PLXDC2: variants seen among roughly 807,000 people sequenced by gnomAD.
PLXDC2 encodes plexin domain-containing protein 2.
Under a neutral mutation model 68.9 loss-of-function variants are expected in PLXDC2, and 40 were observed. The observed-to-expected ratio is 0.58, with a 90% CI of 0.45 to 0.76. The LOEUF is 0.76. Ranked by LOEUF, PLXDC2 falls within the 30% of genes least tolerant of loss-of-function variation. The pLI is 0.00. For missense variants in PLXDC2, 644 were observed against 661.9 expected (o/e 0.97, Z 0.30); for synonymous variants, 243 against 234.2 (o/e 1.04, Z -0.34).
intron 1 of PLXDC2, among the ~76,000 whole-genome samples, chr10:19,941,980 A>G (rs1833828084): frequency 6.6e-6 from 1 of 152,078 alleles, no homozygotes; most frequent in East Asian, 1.9e-4. Flanking sequence ...TAGAGAAAAA[A>G]AAAAAAAAAA....
intron 13 of PLXDC2, among the ~76,000 whole-genome samples, chr10:20,270,505 C>T (rs535104684): frequency 9.5e-4 from 144 of 152,130 alleles, no homozygotes; most frequent in Middle Eastern, 3.4e-3. Context: ...TCAAAGATAA[C>T]TTCAAAGTCC....
At chr10:19,861,279 C>T (rs997459260) in intron 1 of PLXDC2, among the ~76,000 whole-genome samples, 8 of 152,046 alleles carry the variant, frequency 5.3e-5, no homozygotes, top group African/African-American at 1.9e-4. Context: ...AGGTGACCCG[C>T]CCACCTCTGC....
intron 1 of PLXDC2, among the ~76,000 whole-genome samples, chr10:19,997,227 G>A (rs772151947): frequency 2.0e-5 from 3 of 152,108 alleles, no homozygotes; most frequent in Admixed American, 1.3e-4. Flanking sequence ...CTAGTTTATC[G>A]ACATACCTAA....
intron 4 of PLXDC2, among the ~76,000 whole-genome samples, chr10:20,138,716 C>T (rs574593692): frequency 6.6e-6 from 1 of 152,048 alleles, no homozygotes; most frequent in African/African-American, 2.4e-5. Context: ...AGTTCAAGAC[C>T]AGCCTAGCCA....
rs1480902904 is a variant in PLXDC2 at position 20,286,518 on chromosome 10, T to C, written c.*6699T>C. On this transcript the variant is annotated 3_prime_UTR_variant, in exon 14 of 14. Transcript: ENST00000377252. ...TCAGCATTGCAAATATATATGTATA[T>C]ATACATTCATGACCAAAGTATCGCT... 1 of 152,150 alleles carries C rather than the reference T, an allele frequency of 6.6e-6. No homozygotes were observed. The highest frequency in any genetic ancestry group is 2.4e-5 in the African/African-American group (1 of 41,428). The allele number at this position is 152,150 out of a possible 1,614,324, so 9.4% of individuals were successfully genotyped here. A position where few individuals can be genotyped will look rare whatever the true frequency, so the allele number is the denominator to read the frequency against.
chr10:19,986,196 A>T (rs1037560045), intron 1 of PLXDC2, among the ~76,000 whole-genome samples: 2 of 152,202 alleles, frequency 1.3e-5, no homozygotes, highest in Admixed American at 6.5e-5. Context: ...AATGTTTTAA[A>T]TGTCAGTGAT....
intron 1 of PLXDC2, among the ~76,000 whole-genome samples, chr10:19,990,244 T>A (rs1419040792): frequency 6.6e-6 from 1 of 152,188 alleles, no homozygotes. Flanking sequence ...TGACTATATA[T>A]CAAACATAAT....
chr10:19,963,497 C>G (rs562040999), intron 1 of PLXDC2, among the ~76,000 whole-genome samples: 1 of 152,126 alleles, frequency 6.6e-6, no homozygotes, highest in Non-Finnish European at 1.5e-5. Context: ...CCATGGGATA[C>G]TATGCAGCCA....
chr10:19,911,959 A>G (rs964736985), intron 1 of PLXDC2, among the ~76,000 whole-genome samples: 1 of 152,192 alleles, frequency 6.6e-6, no homozygotes, highest in Non-Finnish European at 1.5e-5. Context: ...GTGTCTCAAA[A>G]TATTTCCCTG....
intron 9 of PLXDC2, among the ~76,000 whole-genome samples, chr10:20,209,693 G>T (rs188665613): frequency 6.6e-6 from 1 of 151,976 alleles, no homozygotes; most frequent in East Asian, 1.9e-4. Context: ...TTCTCAAGGC[G>T]CCCAGATGTC....
intron 1 of PLXDC2, among the ~76,000 whole-genome samples, chr10:19,848,975 C>A (rs1007365468): frequency 6.6e-6 from 1 of 151,972 alleles, no homozygotes; most frequent in African/African-American, 2.4e-5. Flanking sequence ...CGAAGGAATC[C>A]CTGTTAATGT....
intron 1 of PLXDC2, among the ~76,000 whole-genome samples, chr10:19,841,134 C>T (rs1392408645): frequency 6.6e-6 from 1 of 152,168 alleles, no homozygotes. Flanking sequence ...CTCTTCAAAT[C>T]TTACATCGTT....
intron 1 of PLXDC2, among the ~76,000 whole-genome samples, chr10:19,993,046 A>C (rs980813829): frequency 5.3e-5 from 8 of 152,156 alleles, no homozygotes; most frequent in Admixed American, 3.9e-4. Context: ...CACATACGTC[A>C]ATTCCCTCAT....
At chr10:19,991,260 C>A (rs908864113) in intron 1 of PLXDC2, among the ~76,000 whole-genome samples, 59 of 139,830 alleles carry the variant, frequency 4.2e-4, no homozygotes, top group Non-Finnish European at 3.3e-4. Context: ...AAAAAAAAAA[C>A]AACAACTGTG....
intron 1 of PLXDC2, among the ~76,000 whole-genome samples, chr10:19,835,895 G>A (rs1015617064): frequency 1.3e-5 from 2 of 152,152 alleles, no homozygotes; most frequent in Admixed American, 6.5e-5. Flanking sequence ...CTGGGATCTG[G>A]GTGTGGTGGC....
intron 1 of PLXDC2, among the ~76,000 whole-genome samples, chr10:19,876,601 C>CTA (rs1837635946): frequency 1.6e-5 from 1 of 63,968 alleles, no homozygotes; most frequent in African/African-American, 6.7e-5. Context: ...GATTCCATCT[C>CTA]AAAAAAAAAA....
rs1208315763 is a variant in PLXDC2, at chr10:20,044,207, CTCTGTCTTTCTTTCTTTCTT to C, written c.325-2658_325-2639del. Among the ~76,000 whole-genome samples, 170 of 90,002 alleles carry C rather than the reference CTCTGTCTTTCTTTCTTTCTT, an allele frequency of 1.9e-3. 1 individual carries two copies. Among genetic ancestry groups the C allele is most frequent in the Non-Finnish European group, 2.7e-3 (124 of 45,296 alleles). 59.0% of individuals were successfully genotyped at this position (90,002 alleles called of 152,430 possible). ...TTTCTTTCTTTCTCTCTCTCTCTCT[CTCTGTCTTTCTTTCTTTCTT>C]TCTTTCTTTCTTTCTTTCTTTCTTT... On this transcript the variant is annotated intron_variant, in intron 2 of 13. Coordinates refer to ENST00000377252, the MANE Select transcript of PLXDC2 (RefSeq NM_032812.9).
intron 1 of PLXDC2, among the ~76,000 whole-genome samples, chr10:19,944,197 A>C (rs1833864413): frequency 6.6e-6 from 1 of 152,152 alleles, no homozygotes; most frequent in Non-Finnish European, 1.5e-5. Flanking sequence ...AAGAATAGAG[A>C]AGTGAAAGGT....
At chr10:19,835,322 T>C (rs391559) in intron 1 of PLXDC2, among the ~76,000 whole-genome samples, 64,721 of 151,954 alleles carry the variant, frequency 0.43, 14,134 homozygotes, top group East Asian at 0.56. Flanking sequence ...GGTCTAGAGA[T>C]AGACCAAATT....
Sources: allele counts gnomAD v4.1 joint callset (sites outside exome capture counted in the v4.1 genomes callset), GRCh38; gene constraint gnomAD v4.1.1; transcripts MANE v1.5; gene names NCBI Gene and HGNC (gene_info 2026-07-23, HGNC 2026-07-21).